EWSR1: variants seen among roughly 807,000 people sequenced by gnomAD.
EWSR1 encodes the protein RNA-binding protein EWS.
EWSR1 carries 14 observed loss-of-function variants against 92.1 expected under a neutral mutation model. The ratio of observed to expected loss-of-function variants is 0.15; its 90% CI spans 0.10 to 0.24. EWSR1 has a LOEUF of 0.24. Among genes scored for constraint, EWSR1 ranks in the 10% least tolerant of loss-of-function variants. The probability of loss-of-function intolerance (pLI) is 1.00; values close to 1 mark genes in which losing one functional copy is unlikely to be tolerated. For missense variants in EWSR1, 637 were observed against 870.9 expected (o/e 0.73, Z 3.38); for synonymous variants, 303 against 292.9 (o/e 1.03, Z -0.35).
chr22:29,271,130 T>C (rs2058646557), intron 1 of EWSR1, among the ~76,000 whole-genome samples: 1 of 152,238 alleles, frequency 6.6e-6, no homozygotes, highest in Admixed American at 6.5e-5. Context: ...TGGTTTTGGA[T>C]GAGGGACTAC....
chr22:29,292,025 T>A, intron 9 of EWSR1, 112 bp from the exon 10 acceptor site: 2 of 938,434 alleles, frequency 2.1e-6, no homozygotes, highest in Admixed American at 3.5e-5. Flanking sequence ...ATTTTGAGTT[T>A]AATGAATCCC....
At position 29,271,392 on chromosome 22, in the gene EWSR1, A is replaced by C. The variant is rs1448322676; in HGVS notation, c.14-824A>C. On this transcript the variant is annotated intron_variant, in intron 1 of 16. Coordinates refer to ENST00000397938, the MANE Select transcript of EWSR1 (RefSeq NM_005243.4). Reference sequence around the variant, plus strand: ...ACCAGTTTTTGGTCCCTTTGGATGCATGTTATAAATTTCATAGGAAAAGGA... The same window carrying C: ...ACCAGTTTTTGGTCCCTTTGGATGCCTGTTATAAATTTCATAGGAAAAGGA... Among the ~76,000 whole-genome samples the C allele has an allele frequency of 2.0e-5, 3 of 152,318 alleles. No individual in the cohort carries two copies. The South Asian group carries it at 6.2e-4, about 32-fold the overall frequency.
At chr22:29,285,157 T>G (rs1360407806) in intron 6 of EWSR1, among the ~76,000 whole-genome samples, 1 of 135,888 alleles carries the variant, frequency 7.4e-6, no homozygotes, top group Non-Finnish European at 1.5e-5. Context: ...GGAGTTTTGC[T>G]CTGTTGCCCA....
intron 6 of EWSR1, among the ~76,000 whole-genome samples, chr22:29,285,761 A>G (rs1370578675): frequency 6.6e-6 from 1 of 151,380 alleles, no homozygotes; most frequent in Non-Finnish European, 1.5e-5. Context: ...AGCCTTCCCC[A>G]AGTGCATATT....
rs1272318775 is a variant in EWSR1, at chr22:29,272,130, C to A, written c.14-86C>A. On this transcript the variant is annotated intron_variant, in intron 1 of 16. Transcript: ENST00000397938. The stretch of plus-strand genomic sequence containing the variant: ...TCTCCCTACAGTTTAAAGAATTCTT[C>A]CTGCCACGTGAATTCTTTCCCCCTT... 4 of 1,238,462 alleles carry A rather than the reference C, an allele frequency of 3.2e-6. No individual in the cohort carries two copies. The Admixed American group carries it at 6.9e-5, about 21-fold the overall frequency. 76.7% of individuals were successfully genotyped at this position (1,238,462 alleles called of 1,614,324 possible).
chr22:29,279,834 A>C (rs529152446), intron 5 of EWSR1, among the ~76,000 whole-genome samples: 11 of 152,316 alleles, frequency 7.2e-5, no homozygotes, highest in African/African-American at 2.4e-4. Flanking sequence ...GAGTGTCATC[A>C]GATGTATGAA....
At chr22:29,278,620 C>T (rs1415085617) in intron 5 of EWSR1, among the ~76,000 whole-genome samples, 2 of 152,004 alleles carry the variant, frequency 1.3e-5, no homozygotes, top group African/African-American at 4.8e-5. Flanking sequence ...GTCAGGAGAT[C>T]GAGACCATCC....
intron 6 of EWSR1, among the ~76,000 whole-genome samples, chr22:29,286,515 T>C (rs2060044734): frequency 6.6e-6 from 1 of 151,650 alleles, no homozygotes; most frequent in African/African-American, 2.4e-5. Flanking sequence ...GATGAAACCC[T>C]GTCTCTACTA....
chr22:29,272,153 C>T, intron 1 of EWSR1, 63 bp from the exon 2 acceptor site: 1 of 1,489,786 alleles, frequency 6.7e-7, no homozygotes, highest in Non-Finnish European at 9.4e-7. Context: ...TTCTTTCCCC[C>T]TTTTTTCTCT....
chr22:29,288,164 A>G (rs989551443), intron 7 of EWSR1, among the ~76,000 whole-genome samples: 2 of 152,254 alleles, frequency 1.3e-5, no homozygotes, highest in Non-Finnish European at 2.9e-5. Flanking sequence ...TTTTTAAATT[A>G]CATTCTATCC....
At chr22:29,280,208 C>T (rs374825776) in intron 5 of EWSR1, among the ~76,000 whole-genome samples, 15 of 152,092 alleles carry the variant, frequency 9.9e-5, no homozygotes, top group Non-Finnish European at 1.8e-4. Context: ...GCTGGGACTA[C>T]GGGCATGTAC....
At chr22:29,270,817 T>G (rs2058616944) in intron 1 of EWSR1, among the ~76,000 whole-genome samples, 1 of 151,852 alleles carries the variant, frequency 6.6e-6, no homozygotes. Context: ...CTGCATTTAG[T>G]TTTAATGTCA....
At chr22:29,287,277 C>A in intron 7 of EWSR1, 143 bp downstream of exon 7, 1 of 767,712 alleles carries the variant, frequency 1.3e-6, no homozygotes, top group Non-Finnish European at 2.1e-6. Context: ...GGTGCCATCT[C>A]AGCTCACTGC....
chr22:29,298,678 G>C lies in EWSR1; in HGVS notation c.1418-55G>C, dbSNP rs974416862. The stretch of plus-strand genomic sequence containing the variant: ...TACTTAGTGATTTTTATTTCCTATA[G>C]CAAATTTGGTGCTACAGAGAAATGA... On this transcript the variant is annotated intron_variant, in intron 13 of 16. Transcript: ENST00000397938. 4 of 1,603,440 alleles carry C rather than the reference G, an allele frequency of 2.5e-6. No individual in the cohort carries two copies. The African/African-American group carries it at 5.4e-5, about 21-fold the overall frequency.
At chr22:29,295,999 A>G (rs557757857) in intron 11 of EWSR1, 106 of 391,204 alleles carry the variant, frequency 2.7e-4, no homozygotes, top group Non-Finnish European at 4.1e-4. Flanking sequence ...AAGATGGCTA[A>G]GGCAGGAGTG....
At chr22:29,279,526 A>G (rs1201913444) in intron 5 of EWSR1, among the ~76,000 whole-genome samples, 1 of 152,252 alleles carries the variant, frequency 6.6e-6, no homozygotes, top group African/African-American at 2.4e-5. Context: ...TAAACAGTAT[A>G]ATTATTACTT....
chr22:29,268,520 C>T (rs1178718288), intron 1 of EWSR1, among the ~76,000 whole-genome samples, 171 bp downstream of exon 1: 1 of 152,072 alleles, frequency 6.6e-6, no homozygotes, highest in Non-Finnish European at 1.5e-5. Context: ...CCTCCCCCAA[C>T]CGGGCGGGCC....
intron 6 of EWSR1, among the ~76,000 whole-genome samples, chr22:29,282,775 T>TC (rs1414852860): frequency 3.3e-5 from 5 of 149,812 alleles, no homozygotes; most frequent in Non-Finnish European, 5.9e-5. Flanking sequence ...TTTTTTTTTT[T>TC]CCCCCGAGAC....
At chr22:29,292,216 A>G (rs983213457) in intron 10 of EWSR1, 47 bp downstream of exon 10, 4 of 1,569,402 alleles carry the variant, frequency 2.5e-6, no homozygotes, top group African/African-American at 2.7e-5. Flanking sequence ...TTGTAAATTA[A>G]TGGTACAGAG....
Sources: allele counts gnomAD v4.1 joint callset (sites outside exome capture counted in the v4.1 genomes callset), GRCh38; gene constraint gnomAD v4.1.1; transcripts MANE v1.5; gene names NCBI Gene and HGNC (gene_info 2026-07-23, HGNC 2026-07-21).